The following SHISA9 variants were observed in gnomAD, a reference collection of about 807,000 sequenced individuals.
SHISA9 encodes the protein protein shisa-9.
SHISA9 carries 13 observed loss-of-function variants against 38.0 expected under a neutral mutation model. The observed-to-expected ratio is 0.34, with a 90% confidence interval of 0.22 to 0.54. The LOEUF (loss-of-function observed/expected upper bound fraction) is 0.54. SHISA9 is among the 20% of genes least tolerant of loss of function. SHISA9 has a pLI of 0.91. For missense variants in SHISA9, 538 were observed against 575.8 expected, an observed-to-expected ratio of 0.93 and a Z score of 0.67; for synonymous variants, 275 against 242.0, an observed-to-expected ratio of 1.14 and a Z score of -1.27.
intron 2 of SHISA9, among the ~76,000 whole-genome samples, chr16:13,018,346 T>A (rs1325468097): frequency 6.6e-6 from 1 of 152,260 alleles, no homozygotes; most frequent in Non-Finnish European, 1.5e-5. Context: ...CCCTGCTTCC[T>A]GAAGAAGCTG....
chr16:13,057,110 C>A (rs531349956), intron 2 of SHISA9, among the ~76,000 whole-genome samples: 33 of 152,330 alleles, frequency 2.2e-4, no homozygotes, highest in Non-Finnish European at 3.1e-4. Flanking sequence ...GCAGAGGGGG[C>A]TGCTGAGCAT....
chr16:13,273,725 A>G, the SHISA9 span, among the ~76,000 whole-genome samples: 1 of 152,186 alleles, frequency 6.6e-6, no homozygotes, highest in Non-Finnish European at 1.5e-5. Context: ...CAGGAAAATT[A>G]TGAAAATTCA....
At chr16:12,946,914 A>G (rs1240550878) in intron 2 of SHISA9, among the ~76,000 whole-genome samples, 1 of 152,196 alleles carries the variant, frequency 6.6e-6, no homozygotes, top group Non-Finnish European at 1.5e-5. Context: ...GAACACAGAC[A>G]CGCTCATTTT....
chr16:13,078,654 C>A (rs1002472445), intron 2 of SHISA9, among the ~76,000 whole-genome samples: 1 of 152,212 alleles, frequency 6.6e-6, no homozygotes, highest in Non-Finnish European at 1.5e-5. Context: ...GACCCGCCCA[C>A]CTTGGTCTCC....
intron 2 of SHISA9, among the ~76,000 whole-genome samples, chr16:13,086,021 G>A (rs1223148171): frequency 6.6e-6 from 1 of 152,140 alleles, no homozygotes; most frequent in Non-Finnish European, 1.5e-5. Flanking sequence ...GAAAAAAACA[G>A]GAAGATTGTT....
intron 2 of SHISA9, among the ~76,000 whole-genome samples, chr16:13,120,306 C>G (rs1338318404): frequency 2.6e-5 from 4 of 152,098 alleles, no homozygotes; most frequent in Non-Finnish European, 5.9e-5. Context: ...GCACTGGAGC[C>G]CTTTGGCTTA....
intron 2 of SHISA9, among the ~76,000 whole-genome samples, chr16:13,122,026 T>G (rs770705332): frequency 5.9e-5 from 9 of 152,164 alleles, no homozygotes; most frequent in Non-Finnish European, 1.0e-4. Flanking sequence ...CCCAGCACAT[T>G]GGAAACTCTC....
chr16:13,181,312 T>TATACACAC (rs1555468744), intron 2 of SHISA9, among the ~76,000 whole-genome samples: 7 of 34,100 alleles, frequency 2.1e-4, no homozygotes, highest in Non-Finnish European at 2.2e-4. Flanking sequence ...TATATATATA[T>TATACACAC]ACACACACAC....
chr16:13,554,141 G>A, the SHISA9 span, among the ~76,000 whole-genome samples: 605 of 152,120 alleles, frequency 4.0e-3, 5 homozygotes, highest in African/African-American at 0.013. Flanking sequence ...TTTTGGCTGG[G>A]CATCTTCTGC....
At chr16:12,990,774 A>G (rs540887337) in intron 2 of SHISA9, among the ~76,000 whole-genome samples, 6 of 152,290 alleles carry the variant, frequency 3.9e-5, no homozygotes, top group Admixed American at 2.0e-4. Context: ...TCTAGCCCCA[A>G]GTGTCAATTG....
intron 2 of SHISA9, among the ~76,000 whole-genome samples, chr16:13,025,078 T>C (rs149129068): frequency 5.9e-4 from 90 of 152,320 alleles, no homozygotes; most frequent in Non-Finnish European, 1.2e-4. Context: ...GATTTTTTTC[T>C]GAATCTCTAG....
At chr16:13,204,198 A>ACCTG (rs2051039470) in intron 3 of SHISA9, among the ~76,000 whole-genome samples, 1 of 140,724 alleles carries the variant, frequency 7.1e-6, no homozygotes, top group Admixed American at 7.5e-5. Context: ...TCTACCTATT[A>ACCTG]TCTGTCTGTC....
At chr16:12,979,335 C>G (rs1407692805) in intron 2 of SHISA9, among the ~76,000 whole-genome samples, 1 of 149,336 alleles carries the variant, frequency 6.7e-6, no homozygotes, top group East Asian at 2.1e-4. Context: ...GGACACAAAA[C>G]TGGACTGCTT....
downstream of SHISA9, chr16:13,240,455 A>G (rs1177769231): frequency 2.0e-5 from 3 of 152,226 alleles, no homozygotes; most frequent in African/African-American, 4.8e-5. Context: ...AGAACCCTGC[A>G]TCCTAATTTG....
chr16:13,259,529 C>A, the SHISA9 span, among the ~76,000 whole-genome samples: 1 of 152,242 alleles, frequency 6.6e-6, no homozygotes, highest in Non-Finnish European at 1.5e-5. Context: ...ACTGCCCTAG[C>A]AGAGGTTCTC....
chr16:13,137,691 T>C (rs1451338696), intron 2 of SHISA9, among the ~76,000 whole-genome samples: 1 of 152,156 alleles, frequency 6.6e-6, no homozygotes, highest in Non-Finnish European at 1.5e-5. Context: ...CTTAACCTTG[T>C]GATCTGCCCA....
At chr16:13,437,435 C>T in the SHISA9 span, among the ~76,000 whole-genome samples, 2 of 152,160 alleles carry the variant, frequency 1.3e-5, no homozygotes, top group African/African-American at 2.4e-5. Flanking sequence ...GTAAAAAAGA[C>T]ATTATCAATA....
chr16:13,390,690 C>T, the SHISA9 span, among the ~76,000 whole-genome samples: 1 of 152,198 alleles, frequency 6.6e-6, no homozygotes, highest in African/African-American at 2.4e-5. Flanking sequence ...ATGTTACAGT[C>T]ATTCACTATT....
chr16:12,925,081 A>G (rs2071376462), intron 2 of SHISA9, among the ~76,000 whole-genome samples: 1 of 152,226 alleles, frequency 6.6e-6, no homozygotes. Flanking sequence ...AATGATACAA[A>G]TCGGCATGAA....
Sources: allele counts gnomAD v4.1 joint callset (sites outside exome capture counted in the v4.1 genomes callset), GRCh38; gene constraint gnomAD v4.1.1; transcripts MANE v1.5; gene names NCBI Gene and HGNC (gene_info 2026-07-23, HGNC 2026-07-21).